The following SIK3 variants were observed in gnomAD, a reference collection of about 807,000 sequenced individuals.
The protein encoded by SIK3 is serine/threonine-protein kinase SIK3.
A neutral mutation model predicts 144.2 loss-of-function variants in SIK3; 28 were observed. The ratio of observed to expected loss-of-function variants is 0.19; its 90% CI spans 0.14 to 0.27. The LOEUF is 0.27. SIK3 is among the 10% of genes least tolerant of loss of function. SIK3 has a pLI of 1.00. For missense variants in SIK3, 1,319 were observed against 1,776.0 expected (o/e 0.74, Z 4.62); for synonymous variants, 686 against 676.3 (o/e 1.01, Z -0.22).
At chr11:117,051,590 G>A (rs763424444) in intron 1 of SIK3, among the ~76,000 whole-genome samples, 1 of 151,722 alleles carries the variant, frequency 6.6e-6, no homozygotes, top group Non-Finnish European at 1.5e-5. Flanking sequence ...GTGCAATGGC[G>A]CAATCTCAGC....
At chr11:116,898,731 G>A (rs1470033372) in intron 4 of SIK3, among the ~76,000 whole-genome samples, 1 of 148,788 alleles carries the variant, frequency 6.7e-6, no homozygotes, top group African/African-American at 2.5e-5. Flanking sequence ...GCCAGTGATG[G>A]TGAGCATTTT....
intron 4 of SIK3, among the ~76,000 whole-genome samples, chr11:116,920,384 G>A (rs1946896003): frequency 6.6e-6 from 1 of 151,914 alleles, no homozygotes; most frequent in South Asian, 2.1e-4. Context: ...ATCTCTCTCA[G>A]GCCTTTGCAT....
chr11:116,927,440 T>C (rs1199395848), intron 3 of SIK3, 60 bp from the exon 4 acceptor site: 16 of 1,559,884 alleles, frequency 1.0e-5, no homozygotes, highest in African/African-American at 1.4e-5. Context: ...TTTCAAAAGG[T>C]AGACTTAAGG....
intron 1 of SIK3, among the ~76,000 whole-genome samples, chr11:117,090,674 T>C (rs1955204464): frequency 6.6e-6 from 1 of 152,246 alleles, no homozygotes; most frequent in African/African-American, 2.4e-5. Flanking sequence ...TTTACGGTCA[T>C]TGCATGCTGT....
At chr11:117,084,491 C>T (rs1565628147) in intron 1 of SIK3, among the ~76,000 whole-genome samples, 1 of 152,176 alleles carries the variant, frequency 6.6e-6, no homozygotes, top group Admixed American at 6.5e-5. Context: ...GTCTGGAACT[C>T]CTGACCTCAG....
intron 1 of SIK3, among the ~76,000 whole-genome samples, chr11:117,084,248 T>C (rs1333508850): frequency 3.9e-5 from 6 of 152,122 alleles, no homozygotes; most frequent in Non-Finnish European, 7.3e-5. Flanking sequence ...GCTCCCATTA[T>C]TAAGTTTTTT....
At chr11:117,061,696 T>C (rs1953801527) in intron 1 of SIK3, among the ~76,000 whole-genome samples, 1 of 152,186 alleles carries the variant, frequency 6.6e-6, no homozygotes, top group African/African-American at 2.4e-5. Flanking sequence ...TTCATTTTAA[T>C]AAGATCCTCA....
chr11:116,868,206 G>A, intron 14 of SIK3, 117 bp from the exon 15 acceptor site: 1 of 1,307,546 alleles, frequency 7.6e-7, no homozygotes, highest in Admixed American at 2.0e-5. Context: ...GCTCACGAAG[G>A]CTTGATGGCA....
intron 5 of SIK3, 77 bp from the exon 6 acceptor site, chr11:116,896,453 AGAT>A: frequency 1.3e-6 from 2 of 1,498,814 alleles, no homozygotes; most frequent in South Asian, 2.4e-5. Flanking sequence ...GTGTGTATGC[AGAT>A]GATGGTGAGT....
At position 116,944,081 on chromosome 11, in the gene SIK3, T is replaced by C. The variant is rs920583948; in HGVS notation, c.454+9963A>G. On this transcript the variant is annotated intron_variant, in intron 3 of 24. Transcript: ENST00000445177. ...GTGTATTTTATACTTTATAAGCGTA[T>C]CACAACTAAAATACTAAGTTGTCTA... Among the ~76,000 whole-genome samples, 8 of 152,170 alleles carry C rather than the reference T, an allele frequency of 5.3e-5. No individual in the cohort carries two copies. The East Asian group carries it at 1.3e-3, about 26-fold the overall frequency.
chr11:116,959,747 G>C (rs1009561343), intron 1 of SIK3, among the ~76,000 whole-genome samples: 2 of 152,094 alleles, frequency 1.3e-5, no homozygotes, highest in African/African-American at 2.4e-5. Flanking sequence ...CAATCACGTG[G>C]GTAGATAACA....
intron 1 of SIK3, among the ~76,000 whole-genome samples, chr11:116,965,454 A>G (rs1352334719): frequency 1.3e-5 from 2 of 152,082 alleles, no homozygotes; most frequent in African/African-American, 4.8e-5. Flanking sequence ...TTTACAAAAT[A>G]TAGATATTCA....
chr11:116,872,626 TAA>T (rs1393454880), intron 13 of SIK3, among the ~76,000 whole-genome samples: 4 of 152,154 alleles, frequency 2.6e-5, no homozygotes, highest in African/African-American at 9.7e-5. Flanking sequence ...AAAAAATAAA[TAA>T]AGAGACACTT....
At chr11:117,085,254 C>T (rs1204623526) in intron 1 of SIK3, among the ~76,000 whole-genome samples, 1 of 152,022 alleles carries the variant, frequency 6.6e-6, no homozygotes, top group Non-Finnish European at 1.5e-5. Flanking sequence ...GTAGCTAGAA[C>T]TACAGCCACT....
At chr11:116,878,368 C>A (rs146092979) in intron 6 of SIK3, among the ~76,000 whole-genome samples, 1,855 of 150,148 alleles carry the variant, frequency 0.012, 12 homozygotes, top group Middle Eastern at 0.073. Context: ...AAGGCTCCTA[C>A]TTCTCTCTCT....
At chr11:116,924,879 C>T (rs1947189877) in intron 4 of SIK3, among the ~76,000 whole-genome samples, 1 of 152,164 alleles carries the variant, frequency 6.6e-6, no homozygotes, top group Non-Finnish European at 1.5e-5. Flanking sequence ...CTTACAGTGA[C>T]ATCTGTGGCA....
chr11:116,930,210 A>G (rs370978672), intron 3 of SIK3, among the ~76,000 whole-genome samples: 281 of 152,074 alleles, frequency 1.8e-3, no homozygotes, highest in African/African-American at 6.4e-3. Flanking sequence ...GCTCAATCGC[A>G]TTCAGACCTC....
At chr11:117,009,084 A>G (rs1951157141) in intron 1 of SIK3, among the ~76,000 whole-genome samples, 1 of 151,864 alleles carries the variant, frequency 6.6e-6, no homozygotes, top group Non-Finnish European at 1.5e-5. Context: ...AAAGTACAAA[A>G]ATCAGCCAGG....
chr11:116,891,586 T>A lies in SIK3; in HGVS notation c.865+4667A>T, dbSNP rs112205718. Among the ~76,000 whole-genome samples the A allele has an allele frequency of 1.7e-3, 265 of 152,300 alleles. No homozygotes were observed. In the South Asian group the frequency reaches 0.019, roughly 11 times the overall value. On this transcript the variant is annotated intron_variant, in intron 6 of 24. Coordinates refer to ENST00000445177, the MANE Select transcript of SIK3 (RefSeq NM_001366686.3). Reference sequence around the variant, plus strand: ...GCTTTGCCACCTTATGGAGTAAACTTTACCTTAGAGGCAATGGTAAACCAC... The same window carrying A: ...GCTTTGCCACCTTATGGAGTAAACTATACCTTAGAGGCAATGGTAAACCAC...
Sources: allele counts gnomAD v4.1 joint callset (sites outside exome capture counted in the v4.1 genomes callset), GRCh38; gene constraint gnomAD v4.1.1; transcripts MANE v1.5; gene names NCBI Gene and HGNC (gene_info 2026-07-23, HGNC 2026-07-21).